The following CCT3 variants were observed in gnomAD, a reference collection of about 807,000 sequenced individuals.
CCT3 encodes the protein chaperonin containing TCP1 subunit 3.
A neutral mutation model predicts 65.3 loss-of-function variants in CCT3; 10 were observed. The ratio of observed to expected loss-of-function variants is 0.15; its 90% CI spans 0.09 to 0.26. The LOEUF (loss-of-function observed/expected upper bound fraction) is 0.26, where lower values mean the gene tolerates loss of function less well. Ranked by LOEUF, CCT3 falls within the 10% of genes least tolerant of loss-of-function variation. The probability of loss-of-function intolerance (pLI) is 1.00; values close to 1 mark genes in which losing one functional copy is unlikely to be tolerated. For missense variants in CCT3, 626 were observed against 708.7 expected (o/e 0.88, Z 1.33); for synonymous variants, 225 against 242.3 (o/e 0.93, Z 0.66).
In CCT3 at chr1:156,325,024, T is replaced by C. The variant is rs568371590; in HGVS notation, c.370A>G (p.Ser124Gly). Residue 124 changes from serine (S) to glycine (G), a missense_variant, in exon 6 of 14, where the codon AGT (serine) becomes GGT (glycine). Coordinates refer to ENST00000295688, the MANE Select transcript of CCT3 (RefSeq NM_005998.5). ...TCATCCAATGCCTTGCGGTAAGCAC[T>C]GATCACCACTGTTGGGTGCATCTGC... Reference protein sequence around the residue: ...EQQMHPTVVISAYRKALDDMI... With the variant: ...EQQMHPTVVIGAYRKALDDMI... The C allele has an allele frequency of 4.8e-4, 770 of 1,613,904 alleles. 9 individuals carry two copies. The South Asian group carries it at 8.0e-3, about 17-fold the overall frequency.
At chr1:156,325,835 G>A (rs373632869) in intron 5 of CCT3, among the ~76,000 whole-genome samples, 1 of 151,914 alleles carries the variant, frequency 6.6e-6, no homozygotes, top group Non-Finnish European at 1.5e-5. Flanking sequence ...TGTCCACCTC[G>A]GCCACCCAAA....
chr1:156,309,364 CT>C, intron 13 of CCT3, 61 bp from the exon 14 acceptor site: 1 of 1,106,488 alleles, frequency 9.0e-7, no homozygotes, highest in Non-Finnish European at 1.4e-6. Context: ...CTTTTCTTTC[CT>C]TTAGATCTAT....
intron 13 of CCT3, 128 bp from the exon 14 acceptor site, chr1:156,309,431 T>C (rs940633253): frequency 3.2e-5 from 21 of 656,318 alleles, no homozygotes; most frequent in Non-Finnish European, 5.1e-5. Context: ...TTTTCAGTCT[T>C]TTATTTTTTT....
At chr1:156,316,504 T>C (rs1200115503) in intron 10 of CCT3, among the ~76,000 whole-genome samples, 1 of 152,220 alleles carries the variant, frequency 6.6e-6, no homozygotes, top group East Asian at 1.9e-4. Flanking sequence ...AAGTATAAAA[T>C]ATGATTTGGA....
chr1:156,338,215 G>A lies in CCT3; in HGVS notation c.-31C>T. On this transcript the variant is annotated 5_prime_UTR_variant, in exon 1 of 14. Coordinates refer to ENST00000295688, the MANE Select transcript of CCT3 (RefSeq NM_005998.5). ...CGCGATGCAGAGCCGGGTACCCAGA[G>A]CTGGGGGAACCGGCAGAACCTTCTG... is the stretch of plus-strand genomic sequence containing the variant. The A allele has an allele frequency of 6.3e-7, 1 of 1,578,432 alleles. No homozygotes were observed. The highest frequency in any genetic ancestry group is 8.6e-7 in the Non-Finnish European group (1 of 1,163,300).
chr1:156,333,088 G>C (rs557440872), intron 5 of CCT3: 5 of 194,324 alleles, frequency 2.6e-5, no homozygotes, highest in Non-Finnish European at 5.4e-5. Flanking sequence ...GAGGTTAAGA[G>C]ATCGAGACCA....
chr1:156,338,198 A>C lies in CCT3; in HGVS notation c.-14T>G. On this transcript the variant is annotated 5_prime_UTR_variant, in exon 1 of 14. Coordinates refer to ENST00000295688, the MANE Select transcript of CCT3 (RefSeq NM_005998.5). ...ATGGCCCATCATGGCGACGCGATGC[A>C]GAGCCGGGTACCCAGAGCTGGGGGA... 1 of 1,585,298 alleles carries C rather than the reference A, an allele frequency of 6.3e-7. No homozygotes were observed. The highest frequency in any genetic ancestry group is 8.6e-7 in the Non-Finnish European group (1 of 1,167,308).
chr1:156,311,937 T>TA, intron 11 of CCT3, 104 bp downstream of exon 11: 1 of 840,516 alleles, frequency 1.2e-6, no homozygotes. Context: ...AGGTCCAAAT[T>TA]AAATAGCTAT....
intron 5 of CCT3, among the ~76,000 whole-genome samples, chr1:156,328,284 C>T (rs1364569009): frequency 1.3e-5 from 2 of 149,800 alleles, no homozygotes; most frequent in Non-Finnish European, 3.0e-5. Context: ...AGGTGAGGGG[C>T]GCTTCTGCCC....
chr1:156,330,895 C>G (rs948595165), intron 5 of CCT3, among the ~76,000 whole-genome samples: 2 of 151,644 alleles, frequency 1.3e-5, no homozygotes, highest in East Asian at 3.9e-4. Context: ...GCCTGGGCGA[C>G]TCTGTCTCAA....
At chr1:156,320,701 C>T in intron 7 of CCT3, 138 bp downstream of exon 7, 2 of 669,074 alleles carry the variant, frequency 3.0e-6, no homozygotes, top group South Asian at 3.8e-5. Context: ...CCACTATACT[C>T]CAGCCTAGGC....
At chr1:156,325,846 G>T (rs1456631064) in intron 5 of CCT3, among the ~76,000 whole-genome samples, 1 of 151,952 alleles carries the variant, frequency 6.6e-6, no homozygotes, top group Non-Finnish European at 1.5e-5. Context: ...GCCACCCAAA[G>T]TGCTGGGATT....
intron 1 of CCT3, chr1:156,337,797 A>AAG (rs1456446073): frequency 3.0e-6 from 1 of 331,292 alleles, no homozygotes; most frequent in Non-Finnish European, 5.5e-6. Context: ...TAACTGAAAA[A>AAG]AAAACAAAAA....
At chr1:156,326,661 A>G (rs1164310909) in intron 5 of CCT3, among the ~76,000 whole-genome samples, 1 of 120,136 alleles carries the variant, frequency 8.3e-6, no homozygotes, top group African/African-American at 2.7e-5. Context: ...AAAAAAAAAA[A>G]AAAAAGAAAA....
intron 6 of CCT3, among the ~76,000 whole-genome samples, chr1:156,323,681 G>A (rs1664672293): frequency 6.6e-6 from 1 of 151,986 alleles, no homozygotes; most frequent in African/African-American, 2.4e-5. Flanking sequence ...TAGCCAGGAT[G>A]GTCTCAATCT....
At chr1:156,318,830 C>A (rs776460115) in intron 8 of CCT3, 38 bp downstream of exon 8, 60 of 1,590,448 alleles carry the variant, frequency 3.8e-5, no homozygotes, top group Non-Finnish European at 5.0e-5. Context: ...CAGTCAGATT[C>A]TTGCATCTAC....
chr1:156,325,185 GA>G, intron 5 of CCT3, 96 bp from the exon 6 acceptor site: 1 of 870,064 alleles, frequency 1.1e-6, no homozygotes. Flanking sequence ...TCCTAAATCA[GA>G]CTCTCCCAAA....
At position 156,338,171 on chromosome 1, in the gene CCT3, C is replaced by T. The variant is rs372914739; in HGVS notation, c.14G>A (p.Arg5His). The change falls in exon 1 of 14, where the codon CGT (arginine) becomes CAT (histidine). Residue 5 changes from arginine (R) to histidine (H), a missense_variant. Transcript: ENST00000295688. ...GAACTCACTGAGCACGAGCACTGGA[C>T]GATGGCCCATCATGGCGACGCGATG... MMGH[R>H]PVLVLSQNTK... 6.3e-7 allele frequency: 1 copy of T among 1,589,198 alleles called. No individual in the cohort carries two copies. Among genetic ancestry groups the T allele is most frequent in the Non-Finnish European group, 8.6e-7 (1 of 1,169,568 alleles).
chr1:156,321,571 T>C (rs1004515409), intron 6 of CCT3, among the ~76,000 whole-genome samples: 2 of 152,190 alleles, frequency 1.3e-5, no homozygotes, highest in Non-Finnish European at 2.9e-5. Flanking sequence ...TATTTTCACA[T>C]AATGCTAAAA....
Sources: gnomAD v4.1 joint callset for allele counts (sites outside exome capture counted in the v4.1 genomes callset) on GRCh38, gnomAD v4.1.1 for gene constraint, MANE v1.5 for transcripts, NCBI Gene and HGNC (gene_info 2026-07-23, HGNC 2026-07-21) for gene names.